PARVB: variants seen among roughly 807,000 people sequenced by gnomAD.
PARVB encodes the protein beta-parvin.
PARVB carries 46 observed loss-of-function variants against 47.0 expected under a neutral mutation model. The ratio of observed to expected loss-of-function variants is 0.98; its 90% CI spans 0.77 to 1.25. PARVB has a LOEUF of 1.25. Among genes scored for constraint, PARVB ranks in the 50% most tolerant of loss-of-function variants. The probability of loss-of-function intolerance (pLI) is 0.00; values close to 1 mark genes in which losing one functional copy is unlikely to be tolerated. For synonymous variants in PARVB, 196 were observed against 196.3 expected (o/e 1.00, Z 0.01); for missense variants, 473 against 471.6 (o/e 1.00, Z -0.03).
Position 44,168,832 on chromosome 22 carries a change from A to G in PARVB, c.*154A>G. On this transcript the variant is annotated 3_prime_UTR_variant, in exon 13 of 13. Transcript: ENST00000338758. ...CCCACCCCTACCTCACGCCTGCCCC[A>G]CCCCCTGCCTCTTTTGGTTGTTGTT... 2.2e-6 allele frequency: 1 copy of G among 463,534 alleles called. No individual in the cohort carries two copies. Among genetic ancestry groups the G allele is most frequent in the Non-Finnish European group, 3.7e-6 (1 of 270,814 alleles). The allele number at this position is 463,534 out of a possible 1,614,324, so 28.7% of individuals were successfully genotyped here. A position where few individuals can be genotyped will look rare whatever the true frequency, so the allele number is the denominator to read the frequency against.
At position 44,132,874 on chromosome 22, in the gene PARVB, C is replaced by T. The variant is rs1216385539; in HGVS notation, c.518-20C>T. ...GTGTAACCTGATCTAAAGCGTCTCC[C>T]TTCCTCCTTCCTCCTGCAGCAATTC... On this transcript the variant is annotated intron_variant, in intron 5 of 12. Coordinates refer to ENST00000338758, the MANE Select transcript of PARVB (RefSeq NM_013327.5). 34 of 1,566,916 alleles carry T rather than the reference C, an allele frequency of 2.2e-5. No homozygotes were observed. In the Admixed American group the frequency reaches 5.5e-4, roughly 25 times the overall value.
In PARVB at chr22:44,151,566, G is replaced by C; in HGVS notation, c.843+15G>C. 6.2e-7 allele frequency: 1 copy of C among 1,602,454 alleles called. No individual in the cohort carries two copies. Among genetic ancestry groups the C allele is most frequent in the Non-Finnish European group, 8.6e-7 (1 of 1,169,352 alleles). On this transcript the variant is annotated intron_variant, in intron 10 of 12. Transcript: ENST00000338758. ...TGGAGACCCAGGTATGTGCTGCTTT[G>C]GCTTGAAGGATCCTTTGTCCACCGC...
chr22:44,094,834 T>C (rs533445851), intron 2 of PARVB, among the ~76,000 whole-genome samples: 1 of 151,830 alleles, frequency 6.6e-6, no homozygotes, highest in Non-Finnish European at 1.5e-5. Context: ...TGGGCAAGGC[T>C]GGGTGAACAG....
intron 1 of PARVB, among the ~76,000 whole-genome samples, chr22:44,048,614 T>C (rs1174862105): frequency 6.6e-6 from 1 of 152,180 alleles, no homozygotes; most frequent in Non-Finnish European, 1.5e-5. Flanking sequence ...CAGGCTGGAG[T>C]GCAGTGGCAC....
chr22:44,087,708 TAAAAAA>T (rs72494364), intron 1 of PARVB, among the ~76,000 whole-genome samples: 2 of 146,054 alleles, frequency 1.4e-5, no homozygotes, highest in Non-Finnish European at 3.0e-5. Context: ...AGAAGAAGAT[TAAAAAA>T]AAAAAAATCA....
At chr22:44,127,053 G>A (rs368460404) in intron 4 of PARVB, among the ~76,000 whole-genome samples, 2 of 152,150 alleles carry the variant, frequency 1.3e-5, no homozygotes, top group African/African-American at 2.4e-5. Context: ...CACTTACTCC[G>A]GAGTTGCTGT....
intron 1 of PARVB, among the ~76,000 whole-genome samples, chr22:44,043,295 G>A (rs2051052182): frequency 1.3e-5 from 2 of 152,182 alleles, no homozygotes; most frequent in Non-Finnish European, 2.9e-5. Flanking sequence ...TGGGGGTGAC[G>A]AAAATGTTCT....
At chr22:44,151,816 A>G in intron 10 of PARVB, 1 of 421,160 alleles carries the variant, frequency 2.4e-6, no homozygotes, top group Middle Eastern at 7.2e-4. Flanking sequence ...TGAAGTCCAA[A>G]ATCAAGATGG....
intron 2 of PARVB, among the ~76,000 whole-genome samples, chr22:44,001,511 A>G (rs767765925): frequency 6.6e-6 from 1 of 152,220 alleles, no homozygotes; most frequent in Non-Finnish European, 1.5e-5. Context: ...ATTTTATAAG[A>G]AAGTATTGAA....
intron 1 of PARVB, among the ~76,000 whole-genome samples, chr22:44,057,397 G>A (rs1439668495): frequency 2.0e-5 from 3 of 152,052 alleles, no homozygotes; most frequent in East Asian, 1.9e-4. Context: ...AAGAATCTCC[G>A]TGCTCGCAAA....
At chr22:44,096,320 C>A (rs1217461420) in intron 2 of PARVB, among the ~76,000 whole-genome samples, 1 of 152,166 alleles carries the variant, frequency 6.6e-6, no homozygotes, top group African/African-American at 2.4e-5. Context: ...TTGCCTGAGT[C>A]TGAAGAAGTT....
exon 2 of PARVB, chr22:43,999,591 A>G: frequency 6.2e-7 from 1 of 1,613,760 alleles, no homozygotes; most frequent in Non-Finnish European, 8.5e-7. Flanking sequence ...GCTCCCAGGC[A>G]CTCATGGCTT....
intron 8 of PARVB, chr22:44,147,377 G>C: frequency 3.3e-6 from 1 of 300,824 alleles, no homozygotes; most frequent in Non-Finnish European, 6.6e-6. Context: ...GAAGGGCTCA[G>C]GGGCCAGGAG....
At chr22:44,056,975 GGGGGCTGAGCTGGGGGTGGAGCT>G (rs2051325260) in intron 1 of PARVB, among the ~76,000 whole-genome samples, 1 of 101,654 alleles carries the variant, frequency 9.8e-6, no homozygotes, top group Non-Finnish European at 2.1e-5. Context: ...GGGTGGAGCT[GGGGGCTGAGCTGGGGGTGGAGCT>G]GGGGGCTGAG....
chr22:44,140,308 T>G, intron 8 of PARVB, 165 bp downstream of exon 8: 1 of 756,044 alleles, frequency 1.3e-6, no homozygotes, highest in Non-Finnish European at 2.4e-6. Context: ...ACCCCCACCT[T>G]TCTGTATAAT....
At chr22:43,999,576 C>T (rs1161509618) in exon 2 of PARVB, 2 of 1,612,816 alleles carry the variant, frequency 1.2e-6, no homozygotes, top group Non-Finnish European at 1.7e-6. Flanking sequence ...GCAGCTGGGG[C>T]CTGTGCTCCC....
At chr22:44,106,217 G>C (rs904180007) in intron 3 of PARVB, 1 of 151,448 alleles carries the variant, frequency 6.6e-6, no homozygotes, top group Non-Finnish European at 1.5e-5. Flanking sequence ...GGAAGAGGGG[G>C]TGAGGGTTGG....
rs1055890873 is a variant in PARVB, at chr22:44,151,364, A to G, written c.775-119A>G. The G allele has an allele frequency of 2.7e-5, 20 of 738,712 alleles. No individual in the cohort carries two copies. In the Admixed American group the frequency reaches 3.9e-4, roughly 15 times the overall value. 45.8% of individuals were successfully genotyped at this position (738,712 alleles called of 1,614,324 possible). A position where few individuals can be genotyped will look rare whatever the true frequency, so the allele number is the denominator to read the frequency against. ...GAAACATGGGCTTTTTATTTTAGCA[A>G]ACAGGAGATGATGAAAGCGTTTCAC... On this transcript the variant is annotated intron_variant, in intron 9 of 12. Coordinates refer to ENST00000338758, the MANE Select transcript of PARVB (RefSeq NM_013327.5).
intron 2 of PARVB, among the ~76,000 whole-genome samples, chr22:44,095,323 A>T (rs2052276627): frequency 6.6e-6 from 1 of 152,130 alleles, no homozygotes; most frequent in Non-Finnish European, 1.5e-5. Flanking sequence ...AGCCTGGCCA[A>T]CATGGCGAAA....
Sources: gnomAD v4.1 joint callset for allele counts (sites outside exome capture counted in the v4.1 genomes callset) on GRCh38, gnomAD v4.1.1 for gene constraint, MANE v1.5 for transcripts, NCBI Gene and HGNC (gene_info 2026-07-23, HGNC 2026-07-21) for gene names.